APP: variants seen among roughly 807,000 people sequenced by gnomAD.
APP encodes amyloid beta precursor protein, also known as amyloid-beta precursor protein.
APP carries 31 observed loss-of-function variants against 101.4 expected under a neutral mutation model. That is an observed-to-expected ratio of 0.31 (90% confidence interval 0.23 to 0.41). The LOEUF (loss-of-function observed/expected upper bound fraction) is 0.41. Among genes scored for constraint, APP ranks in the 10% least tolerant of loss-of-function variants. The probability of loss-of-function intolerance (pLI) is 1.00; values close to 1 mark genes in which losing one functional copy is unlikely to be tolerated. For missense variants in APP, 839 were observed against 1,003.7 expected, an observed-to-expected ratio of 0.84 and a Z score of 2.22; for synonymous variants, 366 against 364.4, an observed-to-expected ratio of 1.00 and a Z score of -0.05.
intron 13 of APP, among the ~76,000 whole-genome samples, chr21:25,936,284 G>T (rs1038746153): frequency 5.3e-5 from 8 of 152,338 alleles, no homozygotes; most frequent in Admixed American, 2.0e-4. Flanking sequence ...GCCGGGTGCG[G>T]GGCTCACGCC....
intron 14 of APP, among the ~76,000 whole-genome samples, chr21:25,906,430 A>C (rs534272341): frequency 6.6e-6 from 1 of 152,242 alleles, no homozygotes; most frequent in East Asian, 1.9e-4. Context: ...TAACATCTGC[A>C]TCTTCTAATT....
intron 8 of APP, among the ~76,000 whole-genome samples, chr21:25,992,964 CAAAG>C (rs1015117625): frequency 6.6e-6 from 1 of 152,148 alleles, no homozygotes; most frequent in African/African-American, 2.4e-5. Context: ...CAAATTTGGC[CAAAG>C]ATTAAATGGC....
At chr21:25,934,264 C>T (rs546372822) in intron 13 of APP, 1 of 118,496 alleles carries the variant, frequency 8.4e-6, no homozygotes, top group African/African-American at 3.3e-5. Context: ...GGACTTCTAA[C>T]CTCTAGAATA....
intron 13 of APP, among the ~76,000 whole-genome samples, chr21:25,940,148 G>C (rs1462134487): frequency 6.6e-6 from 1 of 152,132 alleles, no homozygotes. Flanking sequence ...CCAAATGAGA[G>C]AGAGAAAAGA....
At chr21:26,033,400 C>T (rs2044933739) in intron 5 of APP, among the ~76,000 whole-genome samples, 1 of 152,206 alleles carries the variant, frequency 6.6e-6, no homozygotes, top group Admixed American at 6.5e-5. Context: ...CCTGAGGCCT[C>T]CTCAGCCATG....
intron 1 of APP, among the ~76,000 whole-genome samples, chr21:26,145,494 G>C (rs965742896): frequency 6.6e-6 from 1 of 152,172 alleles, no homozygotes; most frequent in Non-Finnish European, 1.5e-5. Context: ...AGGCAGTAAT[G>C]CTCACTGGCT....
chr21:25,997,283 G>T, intron 8 of APP, 77 bp downstream of exon 8: 3 of 1,331,616 alleles, frequency 2.3e-6, no homozygotes, highest in East Asian at 2.3e-5. Context: ...TGCAAAGAAG[G>T]TGATGATGCT....
chr21:25,916,507 C>A (rs750290010), intron 13 of APP, among the ~76,000 whole-genome samples: 1 of 152,190 alleles, frequency 6.6e-6, no homozygotes, highest in Non-Finnish European at 1.5e-5. Context: ...ATGATTCTTT[C>A]ATTGTTCATT....
chr21:26,101,223 C>T (rs556528611), intron 2 of APP, among the ~76,000 whole-genome samples: 3 of 151,554 alleles, frequency 2.0e-5, no homozygotes, highest in Admixed American at 6.6e-5. Flanking sequence ...CTCAGTCTCC[C>T]GAGTAGCTGG....
intron 13 of APP, among the ~76,000 whole-genome samples, chr21:25,936,921 C>T (rs2040388065): frequency 6.6e-6 from 1 of 152,102 alleles, no homozygotes; most frequent in Admixed American, 6.5e-5. Context: ...CTGAGAGTAA[C>T]AAGGGGCTCA....
At chr21:26,096,733 G>A (rs113316522) in intron 2 of APP, among the ~76,000 whole-genome samples, 174 of 152,186 alleles carry the variant, frequency 1.1e-3, no homozygotes, top group Middle Eastern at 0.01. Context: ...CTGGGATCAC[G>A]TCACTGCACT....
intron 6 of APP, among the ~76,000 whole-genome samples, chr21:26,019,121 A>G (rs530792307): frequency 1.3e-5 from 2 of 152,362 alleles, no homozygotes; most frequent in African/African-American, 4.8e-5. Context: ...CAACAGTACT[A>G]GCATCAAAAC....
chr21:25,897,757 A>G, intron 15 of APP, 84 bp from the exon 16 acceptor site: 4 of 1,173,798 alleles, frequency 3.4e-6, no homozygotes, highest in Non-Finnish European at 5.1e-6. Context: ...AAGCCTACCC[A>G]AAACTTCTTT....
intron 17 of APP, among the ~76,000 whole-genome samples, chr21:25,883,725 A>G (rs1240203412): frequency 6.6e-6 from 1 of 152,190 alleles, no homozygotes; most frequent in African/African-American, 2.4e-5. Context: ...TAAATCTGTC[A>G]GTATAATCAG....
chr21:26,034,571 G>A (rs1041865961), intron 5 of APP, among the ~76,000 whole-genome samples: 3 of 148,560 alleles, frequency 2.0e-5, no homozygotes, highest in Non-Finnish European at 4.4e-5. Flanking sequence ...GAACCTGGGA[G>A]GCAGAGCCTG....
rs1182343586 is a variant in APP, at chr21:26,170,536, C to T, written c.57+28G>A. On this transcript the variant is annotated intron_variant, in intron 1 of 17. Coordinates refer to ENST00000346798, the MANE Select transcript of APP (RefSeq NM_000484.4). ...TATCGCGTCCCCACCGTGCAGCCTC[C>T]CCCCGCCTTCCGAGGCGCGGCACCC... is the stretch of plus-strand genomic sequence containing the variant. 1.2e-5 allele frequency: 19 copies of T among 1,536,220 alleles called. No individual in the cohort carries two copies. The East Asian group carries it at 4.4e-4, about 36-fold the overall frequency.
In APP at chr21:25,881,776, A is replaced by G. The variant is rs2037000052; in HGVS notation, c.2212-5T>C. Reference sequence around the variant, plus strand: ...TGGGGTGACAGCGGCGTCAACCTGAAAAACAAGAGGAGAGCTGAGTAAAAA... The same window carrying G: ...TGGGGTGACAGCGGCGTCAACCTGAGAAACAAGAGGAGAGCTGAGTAAAAA... On this transcript the variant is annotated splice_polypyrimidine_tract_variant and splice_region_variant and intron_variant, in intron 17 of 17. Coordinates refer to ENST00000346798, the MANE Select transcript of APP (RefSeq NM_000484.4). 6.2e-7 allele frequency: 1 copy of G among 1,613,202 alleles called. No homozygotes were observed. Among genetic ancestry groups the G allele is most frequent in the Non-Finnish European group, 8.5e-7 (1 of 1,179,908 alleles).
intron 8 of APP, among the ~76,000 whole-genome samples, chr21:25,994,211 A>G (rs999001368): frequency 6.6e-6 from 1 of 152,240 alleles, no homozygotes; most frequent in African/African-American, 2.4e-5. Flanking sequence ...TACAAATACT[A>G]TATTTTGAAG....
At chr21:26,153,225 C>G (rs2063313820) in intron 1 of APP, among the ~76,000 whole-genome samples, 1 of 152,108 alleles carries the variant, frequency 6.6e-6, no homozygotes, top group Non-Finnish European at 1.5e-5. Flanking sequence ...GCACTAAAAT[C>G]TCAGAATTCA....
Sources: allele counts gnomAD v4.1 joint callset (sites outside exome capture counted in the v4.1 genomes callset), GRCh38; gene constraint gnomAD v4.1.1; transcripts MANE v1.5; gene names NCBI Gene and HGNC (gene_info 2026-07-23, HGNC 2026-07-21).